CNOT4: variants seen among roughly 807,000 people sequenced by gnomAD.
CNOT4 encodes the protein CCR4-associated factor 4.
CNOT4 carries 8 observed loss-of-function variants against 73.8 expected under a neutral mutation model. The ratio of observed to expected loss-of-function variants is 0.11; its 90% CI spans 0.06 to 0.20. The LOEUF (loss-of-function observed/expected upper bound fraction) is 0.20. Ranked by LOEUF, CNOT4 falls within the 10% of genes least tolerant of loss-of-function variation. The pLI is 1.00. For missense variants in CNOT4, 564 were observed against 883.4 expected (o/e 0.64, Z 4.58); for synonymous variants, 293 against 321.1 (o/e 0.91, Z 0.94).
intron 1 of CNOT4, among the ~76,000 whole-genome samples, chr7:135,501,874 G>A (rs1803990374): frequency 1.3e-5 from 2 of 152,060 alleles, no homozygotes; most frequent in South Asian, 2.1e-4. Context: ...CCTCCACAAC[G>A]CATATTGAAA....
At chr7:135,376,495 T>C (rs147369876) in intron 10 of CNOT4, among the ~76,000 whole-genome samples, 1 of 152,314 alleles carries the variant, frequency 6.6e-6, no homozygotes, top group Non-Finnish European at 1.5e-5. Flanking sequence ...ATATTTTTAT[T>C]GGGGCAGAAG....
intron 1 of CNOT4, among the ~76,000 whole-genome samples, chr7:135,503,944 A>C (rs1396054704): frequency 2.6e-5 from 4 of 152,236 alleles, no homozygotes; most frequent in Non-Finnish European, 1.5e-5. Context: ...TGGGAGGCAG[A>C]AAATAAAGGG....
At chr7:135,492,343 A>G (rs1257441525) in intron 1 of CNOT4, among the ~76,000 whole-genome samples, 1 of 152,210 alleles carries the variant, frequency 6.6e-6, no homozygotes, top group Non-Finnish European at 1.5e-5. Flanking sequence ...GAGTTGATTT[A>G]CCTAAGATTG....
At chr7:135,411,079 T>C (rs1335551149) in intron 6 of CNOT4, among the ~76,000 whole-genome samples, 1 of 152,064 alleles carries the variant, frequency 6.6e-6, no homozygotes, top group East Asian at 1.9e-4. Context: ...GTCTCCTTTT[T>C]AATTTGGAGA....
chr7:135,468,380 C>T (rs1269022608), intron 1 of CNOT4, among the ~76,000 whole-genome samples: 3 of 151,380 alleles, frequency 2.0e-5, no homozygotes, highest in African/African-American at 7.3e-5. Context: ...AGAACTCTAC[C>T]AAAAATTTCA....
intron 1 of CNOT4, among the ~76,000 whole-genome samples, chr7:135,470,304 A>C (rs1370061689): frequency 2.7e-5 from 4 of 149,676 alleles, no homozygotes. Context: ...CTAGTTTCTT[A>C]ATTTTTTTGT....
At chr7:135,441,855 C>T (rs2129485500) in intron 1 of CNOT4, among the ~76,000 whole-genome samples, 1 of 151,792 alleles carries the variant, frequency 6.6e-6, no homozygotes, top group East Asian at 1.9e-4. Context: ...TTTAGAGGAA[C>T]AAAAAAGGGA....
At chr7:135,498,984 A>T (rs780965886) in intron 1 of CNOT4, among the ~76,000 whole-genome samples, 6 of 152,226 alleles carry the variant, frequency 3.9e-5, no homozygotes, top group Non-Finnish European at 7.3e-5. Flanking sequence ...GATCTTTTAA[A>T]GGGTTTCTAA....
intron 2 of CNOT4, among the ~76,000 whole-genome samples, chr7:135,428,858 A>T (rs903349656): frequency 6.6e-6 from 1 of 152,216 alleles, no homozygotes; most frequent in African/African-American, 2.4e-5. Flanking sequence ...CCCAAGGAGG[A>T]TAAATTTTTA....
chr7:135,375,010 G>A (rs113098663), intron 10 of CNOT4, among the ~76,000 whole-genome samples: 5,296 of 152,088 alleles, frequency 0.035, 309 homozygotes, highest in African/African-American at 0.12. Context: ...TGTGACCTTA[G>A]GCAAATCACG....
At chr7:135,445,361 CAG>C (rs1292908379) in intron 1 of CNOT4, among the ~76,000 whole-genome samples, 10 of 152,148 alleles carry the variant, frequency 6.6e-5, no homozygotes, top group African/African-American at 2.4e-4. Flanking sequence ...GAAAATTAGA[CAG>C]TGATTAATTT....
At chr7:135,424,810 CAAACAAA>C (rs1798401520) in intron 2 of CNOT4, among the ~76,000 whole-genome samples, 1 of 150,322 alleles carries the variant, frequency 6.7e-6, no homozygotes, top group South Asian at 2.2e-4. Context: ...AACAAACAAA[CAAACAAA>C]AAAAAACAAA....
intron 1 of CNOT4, among the ~76,000 whole-genome samples, chr7:135,483,916 C>T (rs551273839): frequency 2.0e-5 from 3 of 152,278 alleles, no homozygotes; most frequent in Non-Finnish European, 4.4e-5. Context: ...CTAGGCCAGG[C>T]GTGGTGGCCC....
intron 1 of CNOT4, among the ~76,000 whole-genome samples, chr7:135,494,218 C>T (rs1430411442): frequency 1.3e-5 from 2 of 151,992 alleles, no homozygotes; most frequent in Admixed American, 6.6e-5. Flanking sequence ...ACCTGTAATC[C>T]CAGCACTTTG....
chr7:135,435,481 T>A (rs950274715), intron 2 of CNOT4, among the ~76,000 whole-genome samples: 1 of 152,228 alleles, frequency 6.6e-6, no homozygotes, highest in Non-Finnish European at 1.5e-5. Context: ...AGGCCATCTA[T>A]AAGATTTTTC....
At chr7:135,476,288 C>T (rs1801990413) in intron 1 of CNOT4, among the ~76,000 whole-genome samples, 1 of 152,084 alleles carries the variant, frequency 6.6e-6, no homozygotes, top group South Asian at 2.1e-4. Flanking sequence ...CAAGATCAGC[C>T]GTCAGCCCAG....
chr7:135,389,851 G>A (rs1796312606), intron 10 of CNOT4, among the ~76,000 whole-genome samples: 1 of 152,072 alleles, frequency 6.6e-6, no homozygotes. Context: ...ACATGTGGAA[G>A]GATAACTGAC....
At chr7:135,401,654 G>C (rs751383297) in intron 7 of CNOT4, among the ~76,000 whole-genome samples, 3 of 152,088 alleles carry the variant, frequency 2.0e-5, no homozygotes, top group Non-Finnish European at 4.4e-5. Flanking sequence ...AAGCTAGAAA[G>C]GTGTTTGAAA....
At chr7:135,488,538 A>C (rs1471847599) in intron 1 of CNOT4, among the ~76,000 whole-genome samples, 1 of 152,208 alleles carries the variant, frequency 6.6e-6, no homozygotes, top group African/African-American at 2.4e-5. Context: ...GAAGAAAAAA[A>C]GCTAATAGTG....
Sources: gnomAD v4.1 joint callset for allele counts (sites outside exome capture counted in the v4.1 genomes callset) on GRCh38, gnomAD v4.1.1 for gene constraint, MANE v1.5 for transcripts, NCBI Gene and HGNC (gene_info 2026-07-23, HGNC 2026-07-21) for gene names.